The following GPM6A variants were observed in gnomAD, a reference collection of about 807,000 sequenced individuals.
GPM6A encodes the protein glycoprotein M6A.
Under a neutral mutation model 32.1 loss-of-function variants are expected in GPM6A, and 7 were observed. The ratio of observed to expected loss-of-function variants is 0.22; its 90% CI spans 0.12 to 0.41. The LOEUF is 0.41. GPM6A is among the 10% of genes least tolerant of loss of function. GPM6A has a pLI of 1.00. For synonymous variants in GPM6A, 130 were observed against 123.4 expected (o/e 1.05, Z -0.35); for missense variants, 235 against 347.2 (o/e 0.68, Z 2.57).
chr4:175,675,352 C>A (rs1441081272), intron 2 of GPM6A, among the ~76,000 whole-genome samples: 2 of 151,734 alleles, frequency 1.3e-5, no homozygotes, highest in Non-Finnish European at 2.9e-5. Flanking sequence ...ATAACACCAA[C>A]TGAATGCTAT....
At chr4:175,969,189 T>C (rs983553026) in intron 1 of GPM6A, among the ~76,000 whole-genome samples, 1 of 152,206 alleles carries the variant, frequency 6.6e-6, no homozygotes, top group Non-Finnish European at 1.5e-5. Context: ...TGCAACTATA[T>C]GACATTTTGG....
At chr4:175,682,672 G>A (rs1560872489) in intron 2 of GPM6A, among the ~76,000 whole-genome samples, 1 of 152,130 alleles carries the variant, frequency 6.6e-6, no homozygotes, top group Non-Finnish European at 1.5e-5. Flanking sequence ...CTCCAACCAT[G>A]GCTCAAAAGG....
intron 1 of GPM6A, among the ~76,000 whole-genome samples, chr4:175,747,780 G>GACA (rs1732167401): frequency 6.6e-6 from 1 of 150,670 alleles, no homozygotes; most frequent in Non-Finnish European, 1.5e-5. Flanking sequence ...CTTAAAATAA[G>GACA]ACAACAGTGA....
At chr4:175,716,854 T>C (rs1745868471) in intron 1 of GPM6A, among the ~76,000 whole-genome samples, 4 of 152,352 alleles carry the variant, frequency 2.6e-5, no homozygotes, top group Admixed American at 1.3e-4. Context: ...TTTTCCATGA[T>C]TTTGAAAATA....
At chr4:175,788,122 A>G (rs893525042) in intron 1 of GPM6A, 1 of 152,052 alleles carries the variant, frequency 6.6e-6, no homozygotes. Flanking sequence ...CCCTTTGTGG[A>G]TATTCATTAA....
At chr4:175,731,870 C>T (rs1342568476) in intron 1 of GPM6A, among the ~76,000 whole-genome samples, 2 of 152,064 alleles carry the variant, frequency 1.3e-5, no homozygotes, top group Non-Finnish European at 2.9e-5. Context: ...GACAGGGATG[C>T]TCTTGCCTCA....
chr4:175,731,864 G>C (rs1731447160), intron 1 of GPM6A, among the ~76,000 whole-genome samples: 1 of 152,028 alleles, frequency 6.6e-6, no homozygotes, highest in Admixed American at 6.6e-5. Flanking sequence ...ATGCATGACA[G>C]GGATGCTCTT....
At chr4:175,653,397 C>T (rs1741912628) in intron 3 of GPM6A, among the ~76,000 whole-genome samples, 1 of 152,076 alleles carries the variant, frequency 6.6e-6, no homozygotes, top group Admixed American at 6.6e-5. Context: ...CATCTCAACT[C>T]TTACTTCCTT....
At chr4:175,812,301 GTTTTTTTTTTTTTT>G, upstream of GPM6A, 5 of 793,062 alleles carry the variant, frequency 6.3e-6, no homozygotes, top group East Asian at 2.2e-4. Flanking sequence ...AAAACTGGGG[GTTTTTTTTTTTTTT>G]TTTTTTTTTT....
At chr4:175,756,025 A>C (rs1057042260) in intron 1 of GPM6A, among the ~76,000 whole-genome samples, 2 of 152,138 alleles carry the variant, frequency 1.3e-5, no homozygotes, top group Non-Finnish European at 2.9e-5. Context: ...AAGAAAGAAG[A>C]GGAGGAGAGA....
chr4:175,761,997 T>A (rs1400672157), intron 1 of GPM6A, among the ~76,000 whole-genome samples: 1 of 152,160 alleles, frequency 6.6e-6, no homozygotes, highest in East Asian at 1.9e-4. Flanking sequence ...TTTCACTATA[T>A]GGGTCAGGCT....
intron 1 of GPM6A, among the ~76,000 whole-genome samples, chr4:175,878,723 G>T (rs1212228640): frequency 2.0e-5 from 3 of 152,096 alleles, no homozygotes; most frequent in Non-Finnish European, 4.4e-5. Context: ...CCCATGGTCT[G>T]GGTGGTTAAC....
At chr4:175,888,174 C>A (rs1036728909) in intron 1 of GPM6A, among the ~76,000 whole-genome samples, 2 of 151,926 alleles carry the variant, frequency 1.3e-5, no homozygotes, top group East Asian at 3.9e-4. Flanking sequence ...ATTAGAAAAT[C>A]TTATTTTAAT....
chr4:175,851,434 G>A (rs1235250198), intron 1 of GPM6A, among the ~76,000 whole-genome samples: 2 of 150,172 alleles, frequency 1.3e-5, no homozygotes, highest in African/African-American at 4.9e-5. Flanking sequence ...GCAGTGGGCC[G>A]AGATTGTGCC....
In GPM6A at chr4:175,646,388, C is replaced by T. The variant is rs547624743; in HGVS notation, c.541+5446G>A. 4.6e-5 allele frequency among the ~76,000 whole-genome samples: 7 copies of T among 152,252 alleles called. No individual in the cohort carries two copies. In the South Asian group the frequency reaches 1.5e-3, roughly 32 times the overall value. ...AAACATAAAGTGTCCTTTTGAATAG[C>T]ACACACTTAGGTTAAAAGCGCTATT... On this transcript the variant is annotated intron_variant, in intron 4 of 6. Coordinates refer to ENST00000393658, the MANE Select transcript of GPM6A (RefSeq NM_201591.3).
chr4:175,639,807 A>G (rs2110883099), intron 6 of GPM6A, among the ~76,000 whole-genome samples: 1 of 152,238 alleles, frequency 6.6e-6, no homozygotes, highest in Admixed American at 6.6e-5. Flanking sequence ...TAAATCAAGG[A>G]ATTGATTAGA....
At chr4:175,805,368 TC>T (rs1245236863) in intron 1 of GPM6A, among the ~76,000 whole-genome samples, 1 of 152,172 alleles carries the variant, frequency 6.6e-6, no homozygotes, top group Non-Finnish European at 1.5e-5. Context: ...GAAAATAGTT[TC>T]CCAGACATTG....
intron 2 of GPM6A, among the ~76,000 whole-genome samples, chr4:175,676,831 G>A (rs1743396307): frequency 1.3e-5 from 2 of 152,220 alleles, no homozygotes; most frequent in South Asian, 4.2e-4. Context: ...AAGAGCTAAT[G>A]AATAAGATAA....
intron 1 of GPM6A, among the ~76,000 whole-genome samples, chr4:175,775,214 G>A (rs1025358684): frequency 2.6e-5 from 4 of 152,112 alleles, no homozygotes; most frequent in Middle Eastern, 3.4e-3. Flanking sequence ...CAATATCTCC[G>A]TATCAAATAA....
Sources: allele counts gnomAD v4.1 joint callset (sites outside exome capture counted in the v4.1 genomes callset), GRCh38; gene constraint gnomAD v4.1.1; transcripts MANE v1.5; gene names NCBI Gene and HGNC (gene_info 2026-07-23, HGNC 2026-07-21).